TRRAP: variants seen among roughly 807,000 people sequenced by gnomAD.
TRRAP encodes the protein transformation/transcription domain associated protein.
TRRAP carries 41 observed loss-of-function variants against 438.8 expected under a neutral mutation model. The ratio of observed to expected loss-of-function variants is 0.09; its 90% CI spans 0.07 to 0.12. The LOEUF is 0.12. Among genes scored for constraint, TRRAP ranks in the 10% least tolerant of loss-of-function variants. The pLI, the probability that TRRAP is intolerant of heterozygous loss-of-function variation, is 1.00. For missense variants in TRRAP, 3,122 were observed against 5,055.1 expected (o/e 0.62, Z 11.60); for synonymous variants, 1,994 against 1,962.9 (o/e 1.02, Z -0.42).
At chr7:98,975,068 GAGCT>G (rs1419145653) in intron 53 of TRRAP, among the ~76,000 whole-genome samples, 1 of 152,224 alleles carries the variant, frequency 6.6e-6, no homozygotes, top group Non-Finnish European at 1.5e-5. Context: ...AACTGACGTG[GAGCT>G]GAGAGCCCCT....
chr7:98,993,478 T>C, intron 65 of TRRAP, 60 bp from the exon 66 acceptor site: 1 of 1,574,334 alleles, frequency 6.4e-7, no homozygotes, highest in Middle Eastern at 1.8e-4. Flanking sequence ...CCTGCAGCGC[T>C]CCGAGCCCTG....
At chr7:98,965,107 G>C (rs1257277111) in intron 48 of TRRAP, among the ~76,000 whole-genome samples, 1 of 152,264 alleles carries the variant, frequency 6.6e-6, no homozygotes, top group Admixed American at 6.5e-5. Flanking sequence ...GTCTGCAACA[G>C]ATTGAGACTC....
Position 98,971,879 on chromosome 7 carries a change from T to C in TRRAP, c.7773T>C (p.Ile2591=). Residue 2591 remains isoleucine (I), a synonymous_variant, in exon 53 of 73, where the codon ATT becomes ATC. Coordinates refer to ENST00000456197, the MANE Select transcript of TRRAP (RefSeq NM_001375524.1). The stretch of plus-strand genomic sequence containing the variant: ...CCAAAGAACTTTCAGAAAAGGACAT[T>C]GGAAACCAGCTGCACATGCTAACCA... ...PKTKELSEKD[I]GNQLHMLTNR... is the part of the protein sequence containing the mutation. The C allele has an allele frequency of 6.2e-7, 1 of 1,614,212 alleles. No homozygotes were observed. Among genetic ancestry groups the C allele is most frequent in the Non-Finnish European group, 8.5e-7 (1 of 1,180,036 alleles).
intron 6 of TRRAP, 122 bp downstream of exon 6, chr7:98,894,003 A>G: frequency 1.2e-6 from 1 of 823,260 alleles, no homozygotes; most frequent in Non-Finnish European, 2.0e-6. Flanking sequence ...AATACAGCCT[A>G]AGTTTGGGGC....
chr7:98,966,039 A>AT, intron 49 of TRRAP, 144 bp downstream of exon 49: 2 of 1,010,982 alleles, frequency 2.0e-6, no homozygotes, highest in Non-Finnish European at 1.4e-6. Flanking sequence ...ATTAAGATGG[A>AT]TTTTTGTCTG....
intron 48 of TRRAP, among the ~76,000 whole-genome samples, chr7:98,965,105 C>T (rs1425969876): frequency 6.6e-6 from 1 of 152,236 alleles, no homozygotes. Context: ...CAGTCTGCAA[C>T]AGATTGAGAC....
chr7:98,977,691 A>C (rs181193684), intron 56 of TRRAP, among the ~76,000 whole-genome samples: 201 of 152,300 alleles, frequency 1.3e-3, no homozygotes, highest in African/African-American at 4.2e-3. Flanking sequence ...TCTGCCCTTC[A>C]GTGTGGCTCA....
At position 98,878,632 on chromosome 7, in the gene TRRAP, G is replaced by A. The variant is rs1247651215; in HGVS notation, c.-67G>A. On this transcript the variant is annotated 5_prime_UTR_variant, in exon 1 of 73. Coordinates refer to ENST00000456197, the MANE Select transcript of TRRAP (RefSeq NM_001375524.1). Reference sequence around the variant, plus strand: ...GGCCTGCAGGAGCCGGGCCGCCGAGGTCGGGGTAAGTTGGCGGGCGGGCGT... The same window carrying A: ...GGCCTGCAGGAGCCGGGCCGCCGAGATCGGGGTAAGTTGGCGGGCGGGCGT... The A allele has an allele frequency of 1.3e-5, 2 of 151,470 alleles. No homozygotes were observed. The highest frequency in any genetic ancestry group is 2.4e-5 in the African/African-American group (1 of 41,340). The allele number at this position is 151,470 out of a possible 1,614,324, so 9.4% of individuals were successfully genotyped here.
intron 20 of TRRAP, 24 bp downstream of exon 20, chr7:98,917,703 G>T: frequency 1.2e-6 from 2 of 1,606,946 alleles, no homozygotes; most frequent in East Asian, 2.2e-5. Flanking sequence ...GAGGTTGTTA[G>T]CTGGCTGCTT....
At chr7:98,943,080 G>T in intron 31 of TRRAP, 63 bp downstream of exon 31, 1 of 1,557,248 alleles carries the variant, frequency 6.4e-7, no homozygotes. Flanking sequence ...TGCTAATGCC[G>T]GGACAGTGCT....
chr7:98,954,093 A>G (rs1791477113), intron 40 of TRRAP, among the ~76,000 whole-genome samples: 1 of 152,158 alleles, frequency 6.6e-6, no homozygotes. Context: ...TCCGTATCTC[A>G]TGAGCTTGTT....
intron 65 of TRRAP, among the ~76,000 whole-genome samples, chr7:98,992,567 GT>G (rs1793476493): frequency 6.6e-6 from 1 of 151,156 alleles, no homozygotes; most frequent in Non-Finnish European, 1.5e-5. Context: ...TGCCGTGTGT[GT>G]GTGTGTGTGT....
chr7:98,896,889 C>T (rs1358412487), intron 7 of TRRAP, among the ~76,000 whole-genome samples: 1 of 152,008 alleles, frequency 6.6e-6, no homozygotes, highest in Non-Finnish European at 1.5e-5. Context: ...AACGTGAAAC[C>T]CCAAATCCAC....
chr7:98,905,105 G>A (rs1554407302), intron 12 of TRRAP, among the ~76,000 whole-genome samples: 1 of 152,082 alleles, frequency 6.6e-6, no homozygotes, highest in Non-Finnish European at 1.5e-5. Flanking sequence ...TCTGCTGGAG[G>A]TGTTCCCACC....
intron 11 of TRRAP, among the ~76,000 whole-genome samples, chr7:98,902,139 T>C (rs892428828): frequency 1.3e-5 from 2 of 152,238 alleles, no homozygotes; most frequent in African/African-American, 4.8e-5. Context: ...CATATTTGGT[T>C]CATTGACTTT....
chr7:98,933,108 A>C lies in TRRAP; in HGVS notation c.3853-133A>C, dbSNP rs561801137. The C allele has an allele frequency of 2.4e-5, 30 of 1,252,680 alleles. No homozygotes were observed. The East Asian group carries it at 7.9e-4, about 33-fold the overall frequency. 77.6% of individuals were successfully genotyped at this position (1,252,680 alleles called of 1,614,324 possible). A position where few individuals can be genotyped will look rare whatever the true frequency, so the allele number is the denominator to read the frequency against. Reference sequence around the variant, plus strand: ...CCACGACCGAGGTTTTGCACATGAAATGTATCTCCCGTTCCCTAATGAGAA... The same window carrying C: ...CCACGACCGAGGTTTTGCACATGAACTGTATCTCCCGTTCCCTAATGAGAA... On this transcript the variant is annotated intron_variant, in intron 26 of 72. Coordinates refer to ENST00000456197, the MANE Select transcript of TRRAP (RefSeq NM_001375524.1).
intron 67 of TRRAP, among the ~76,000 whole-genome samples, chr7:98,996,878 T>C (rs953923647): frequency 2.0e-5 from 3 of 152,220 alleles, no homozygotes; most frequent in Admixed American, 6.5e-5. Context: ...AATTATAAGA[T>C]GATTTTAAAT....
At chr7:98,882,363 CTTT>C (rs531239628) in intron 3 of TRRAP, among the ~76,000 whole-genome samples, 9 of 138,170 alleles carry the variant, frequency 6.5e-5, no homozygotes, top group Admixed American at 7.3e-5. Flanking sequence ...TCTTTTCTTT[CTTT>C]TTTTTTTTTT....
intron 46 of TRRAP, 124 bp downstream of exon 46, chr7:98,961,598 G>T: frequency 8.3e-7 from 1 of 1,203,340 alleles, no homozygotes; most frequent in South Asian, 1.5e-5. Context: ...CTTTCTACTT[G>T]CAAACTTTCT....
Sources: gnomAD v4.1 joint callset for allele counts (sites outside exome capture counted in the v4.1 genomes callset) on GRCh38, gnomAD v4.1.1 for gene constraint, MANE v1.5 for transcripts, NCBI Gene and HGNC (gene_info 2026-07-23, HGNC 2026-07-21) for gene names.